Variants in SMARCAD1 observed in about 807,000 individuals in gnomAD.
SMARCAD1 encodes SNF2 related chromatin remodeling ATPase with DExD box 1, also known as SWI/SNF-related matrix-associated actin-dependent regulator of chromatin subfamily A containing DEAD/H box 1.
Under a neutral mutation model 127.1 loss-of-function variants are expected in SMARCAD1, and 25 were observed. That is an observed-to-expected ratio of 0.20 (90% CI 0.14 to 0.27). The LOEUF is 0.27. SMARCAD1 is among the 10% of genes least tolerant of loss of function. The probability of loss-of-function intolerance (pLI) is 1.00; values close to 1 mark genes in which losing one functional copy is unlikely to be tolerated. For missense variants in SMARCAD1, 807 were observed against 1,206.0 expected (o/e 0.67, Z 4.90); for synonymous variants, 400 against 396.9 (o/e 1.01, Z -0.09).
chr4:94,253,587 G>C (rs908145665), intron 9 of SMARCAD1: 2 of 1,042,504 alleles, frequency 1.9e-6, no homozygotes, highest in Non-Finnish European at 2.3e-6. Context: ...AGTGTAGCAG[G>C]CTGCAGCGTT....
intron 6 of SMARCAD1, among the ~76,000 whole-genome samples, chr4:94,248,165 G>A (rs551307392): frequency 6.6e-6 from 1 of 152,196 alleles, no homozygotes; most frequent in Admixed American, 6.5e-5. Context: ...GTGTTGCTGC[G>A]AAGAACATGA....
At chr4:94,272,005 T>A (rs1029855670) in intron 11 of SMARCAD1, among the ~76,000 whole-genome samples, 1 of 152,220 alleles carries the variant, frequency 6.6e-6, no homozygotes, top group African/African-American at 2.4e-5. Flanking sequence ...AACAGAAATT[T>A]GTTCTTCACA....
At chr4:94,263,087 A>G (rs1186054048) in intron 9 of SMARCAD1, among the ~76,000 whole-genome samples, 1 of 152,044 alleles carries the variant, frequency 6.6e-6, no homozygotes, top group Non-Finnish European at 1.5e-5. Flanking sequence ...TAGATTTGGT[A>G]GGCTAGTCTT....
chr4:94,226,090 A>C (rs1166678406), intron 2 of SMARCAD1, 29 bp from the exon 3 acceptor site: 1 of 1,578,234 alleles, frequency 6.3e-7, no homozygotes, highest in Non-Finnish European at 8.7e-7. Context: ...GTTGCTCAAA[A>C]TATTTTTCTC....
At chr4:94,276,808 C>G (rs1047009873) in intron 15 of SMARCAD1, among the ~76,000 whole-genome samples, 6 of 152,180 alleles carry the variant, frequency 3.9e-5, no homozygotes, top group African/African-American at 1.4e-4. Context: ...AAGTTACCTA[C>G]TTATAAAAGA....
chr4:94,236,358 T>C (rs868700746), intron 4 of SMARCAD1, among the ~76,000 whole-genome samples: 6 of 152,134 alleles, frequency 3.9e-5, no homozygotes, highest in Non-Finnish European at 8.8e-5. Flanking sequence ...AACAGTATAT[T>C]AGAATGATGT....
intron 9 of SMARCAD1, among the ~76,000 whole-genome samples, chr4:94,262,889 T>TAAAA (rs368026206): frequency 5.7e-5 from 5 of 87,372 alleles, no homozygotes; most frequent in East Asian, 5.8e-4. Flanking sequence ...TAATTTCTGT[T>TAAAA]AAAAAAAAAA....
chr4:94,246,405 C>T (rs1333421503), intron 6 of SMARCAD1, among the ~76,000 whole-genome samples: 1 of 152,148 alleles, frequency 6.6e-6, no homozygotes, highest in Non-Finnish European at 1.5e-5. Context: ...AAGCGTGAGC[C>T]AGCGTGCCCA....
At chr4:94,279,158 A>G (rs1753677100) in intron 19 of SMARCAD1, 108 bp downstream of exon 19, 2 of 1,468,582 alleles carry the variant, frequency 1.4e-6, no homozygotes, top group African/African-American at 1.4e-5. Context: ...CTACATATTT[A>G]AGAAAAACTT....
rs1748985655 is a variant in SMARCAD1, at chr4:94,249,685, G to T, written c.737G>T (p.Ser246Ile). 6.2e-7 allele frequency: 1 copy of T among 1,608,116 alleles called. No homozygotes were observed. The highest frequency in any genetic ancestry group is 1.7e-5 in the Admixed American group (1 of 59,952). Residue 246 changes from serine to isoleucine, a missense_variant, in exon 7 of 24, where the codon AGC becomes ATC. Physicochemically the swap from Ser to Ile is moderately radical, Grantham distance 142. This residue lies in a region of SMARCAD1 where 257 missense variants were observed against 303.4 expected (regional missense o/e 0.85). Transcript: ENST00000354268. ...GAATCAAATGAGTCTGCAGAATCTA[G>T]CAGTAATTGGGAAAAGCAGGAAAGT... ...GEESNESAES[S>I]SNWEKQESIV...
intron 9 of SMARCAD1, chr4:94,253,425 G>A (rs548055650): frequency 2.8e-5 from 34 of 1,212,014 alleles, no homozygotes; most frequent in African/African-American, 1.6e-4. Flanking sequence ...CAATAGCAAC[G>A]GCCAGGGGAG....
At chr4:94,283,365 T>C in intron 22 of SMARCAD1, 62 bp downstream of exon 22, 2 of 1,510,170 alleles carry the variant, frequency 1.3e-6, no homozygotes, top group Non-Finnish European at 1.8e-6. Flanking sequence ...TGTAGACCAT[T>C]AGAATATAGT....
At chr4:94,217,824 T>C (rs28638427) in intron 2 of SMARCAD1, among the ~76,000 whole-genome samples, 21,971 of 152,248 alleles carry the variant, frequency 0.14, 1,816 homozygotes, top group Non-Finnish European at 0.19. Context: ...CCTGACTAAA[T>C]ATGTATAACT....
intron 6 of SMARCAD1, among the ~76,000 whole-genome samples, chr4:94,241,407 C>G (rs1464220510): frequency 6.6e-6 from 1 of 152,180 alleles, no homozygotes; most frequent in African/African-American, 2.4e-5. Context: ...GTGTTCATCT[C>G]CAAATTTCCC....
rs1755455304 is a variant in SMARCAD1, at chr4:94,289,768, A to G, written c.*234A>G. 1.6e-6 allele frequency: 1 copy of G among 618,770 alleles called. No homozygotes were observed. The highest frequency in any genetic ancestry group is 3.0e-6 in the Non-Finnish European group (1 of 330,534). 38.3% of individuals were successfully genotyped at this position (618,770 alleles called of 1,614,324 possible). A position where few individuals can be genotyped will look rare whatever the true frequency, so the allele number is the denominator to read the frequency against. On this transcript the variant is annotated 3_prime_UTR_variant, in exon 24 of 24. Coordinates refer to ENST00000354268, the MANE Select transcript of SMARCAD1 (RefSeq NM_020159.5). ...GTAGTTCTGAAGATGTTGAATAATC[A>G]TTTTACAAAGCAGTTTTCTGAATGG...
chr4:94,278,705 C>A lies in SMARCAD1; in HGVS notation c.2268C>A (p.Asn756Lys). ...AGCAACTCTATTTGGGTCTTTTCAA[C>A]AGATTGAAAAAATCTATCAATAACT... Reference protein sequence around the residue: ...KQEQLYLGLFNRLKKSINNLE... With the variant: ...KQEQLYLGLFKRLKKSINNLE... Residue 756 changes from asparagine (N) to lysine (K), a missense_variant, in exon 18 of 24, where the codon AAC (asparagine) becomes AAA (lysine). Asn to Lys is a moderately conservative substitution (Grantham distance 94). Coordinates refer to ENST00000354268, the MANE Select transcript of SMARCAD1 (RefSeq NM_020159.5). 6.2e-7 allele frequency: 1 copy of A among 1,613,876 alleles called. No individual in the cohort carries two copies. The highest frequency in any genetic ancestry group is 1.7e-5 in the Admixed American group (1 of 59,998).
intron 6 of SMARCAD1, among the ~76,000 whole-genome samples, chr4:94,244,175 C>T (rs997167041): frequency 6.6e-6 from 1 of 152,160 alleles, no homozygotes; most frequent in Non-Finnish European, 1.5e-5. Context: ...AAGGAACAAC[C>T]TTTCTCATAC....
intron 3 of SMARCAD1, among the ~76,000 whole-genome samples, chr4:94,227,184 T>C (rs1372213242): frequency 1.3e-5 from 2 of 152,188 alleles, no homozygotes; most frequent in African/African-American, 4.8e-5. Context: ...GACTATATTA[T>C]GCCTGGTGTT....
At chr4:94,269,039 A>C (rs1752148088) in intron 10 of SMARCAD1, among the ~76,000 whole-genome samples, 1 of 152,334 alleles carries the variant, frequency 6.6e-6, no homozygotes, top group Middle Eastern at 3.4e-3. Flanking sequence ...TTAGAAAATT[A>C]TAAAGACAGA....
Sources: allele counts gnomAD v4.1 joint callset (sites outside exome capture counted in the v4.1 genomes callset), GRCh38; gene constraint gnomAD v4.1.1; regional missense constraint gnomAD v4.1.1; transcripts MANE v1.5; gene names NCBI Gene and HGNC (gene_info 2026-07-23, HGNC 2026-07-21).